SND1: variants seen among roughly 807,000 people sequenced by gnomAD.
The protein encoded by SND1 is staphylococcal nuclease and tudor domain containing 1, also known as staphylococcal nuclease domain-containing protein 1.
A neutral mutation model predicts 121.7 loss-of-function variants in SND1; 38 were observed. The ratio of observed to expected loss-of-function variants is 0.31; its 90% CI spans 0.24 to 0.41. The LOEUF is 0.41. Ranked by LOEUF, SND1 falls within the 10% of genes least tolerant of loss-of-function variation. The pLI is 1.00. For missense variants in SND1, 868 were observed against 1,184.6 expected (o/e 0.73, Z 3.92); for synonymous variants, 401 against 447.4 (o/e 0.90, Z 1.31).
intron 11 of SND1, among the ~76,000 whole-genome samples, chr7:127,821,652 A>C (rs1798551581): frequency 6.6e-6 from 1 of 152,146 alleles, no homozygotes; most frequent in Non-Finnish European, 1.5e-5. Context: ...ATTTTTAAAA[A>C]ATTTTTGTTT....
At chr7:127,995,921 T>C (rs116987521) in intron 16 of SND1, among the ~76,000 whole-genome samples, 114 of 152,338 alleles carry the variant, frequency 7.5e-4, no homozygotes, top group Non-Finnish European at 1.4e-3. Flanking sequence ...GATGACCCCT[T>C]TGTCCTTTCT....
chr7:127,877,804 G>T (rs1231043457), intron 12 of SND1, among the ~76,000 whole-genome samples: 1 of 152,006 alleles, frequency 6.6e-6, no homozygotes, highest in Non-Finnish European at 1.5e-5. Flanking sequence ...GGGAGCTATT[G>T]GTACTCAGTG....
At position 128,092,125 on chromosome 7, in the gene SND1, T is replaced by G; in HGVS notation, c.*67T>G. 1 of 1,516,104 alleles carries G rather than the reference T, an allele frequency of 6.6e-7. No homozygotes were observed. 93.9% of individuals were successfully genotyped at this position (1,516,104 alleles called of 1,614,324 possible). On this transcript the variant is annotated 3_prime_UTR_variant, in exon 24 of 24. Coordinates refer to ENST00000354725, the MANE Select transcript of SND1 (RefSeq NM_014390.4). This position sits in a 1 kb window ranked among gnomAD's most constrained non-coding sequence, Gnocchi z 4.9. ...CCCTCTTCCTCTGCCGGGAGGGTGT[T>G]TTCAACTCCAAACCCCAGAGAGGGG... is the stretch of plus-strand genomic sequence containing the variant.
At chr7:127,909,946 TAGAC>T (rs1339267270) in intron 14 of SND1, among the ~76,000 whole-genome samples, 2 of 152,202 alleles carry the variant, frequency 1.3e-5, no homozygotes, top group Non-Finnish European at 2.9e-5. Flanking sequence ...AATAGATTGG[TAGAC>T]AGGGTTGGAT....
At chr7:128,070,320 G>A (rs182592785) in intron 16 of SND1, among the ~76,000 whole-genome samples, 34 of 152,228 alleles carry the variant, frequency 2.2e-4, no homozygotes, top group African/African-American at 7.5e-4. Context: ...TCTGTCCCTC[G>A]CCCATGCTGC....
At chr7:128,054,077 T>A (rs1467102459) in intron 16 of SND1, among the ~76,000 whole-genome samples, 1 of 152,200 alleles carries the variant, frequency 6.6e-6, no homozygotes, top group Non-Finnish European at 1.5e-5. Context: ...CAGTAAGTCA[T>A]CGGCAGTACC....
chr7:127,675,556 T>C (rs1386914421), intron 1 of SND1, among the ~76,000 whole-genome samples: 2 of 152,216 alleles, frequency 1.3e-5, no homozygotes, highest in African/African-American at 4.8e-5. Flanking sequence ...AATTCAGAAA[T>C]GTTCCTTTCT....
At chr7:127,656,697 C>T (rs959506170) in intron 1 of SND1, among the ~76,000 whole-genome samples, 2 of 152,160 alleles carry the variant, frequency 1.3e-5, no homozygotes, top group Admixed American at 1.3e-4. Flanking sequence ...TTCGCTCATG[C>T]AGGAATGTTG....
chr7:127,921,881 A>C (rs953365727), intron 14 of SND1, among the ~76,000 whole-genome samples: 3 of 152,126 alleles, frequency 2.0e-5, no homozygotes, highest in Admixed American at 2.0e-4. Flanking sequence ...GTAGTATTCC[A>C]TTGTGTGGTG....
At chr7:127,699,053 A>G (rs1796056891) in intron 4 of SND1, 100 bp downstream of exon 4, 1 of 889,106 alleles carries the variant, frequency 1.1e-6, no homozygotes, top group African/African-American at 1.7e-5. Context: ...AGGGGCTTTC[A>G]CACCTTCGCG....
intron 15 of SND1, among the ~76,000 whole-genome samples, chr7:127,958,086 C>CA (rs1801643357): frequency 6.6e-6 from 1 of 152,186 alleles, no homozygotes; most frequent in South Asian, 2.1e-4. Context: ...GGCTAGGGGG[C>CA]ATGAGGATAC....
intron 9 of SND1, among the ~76,000 whole-genome samples, chr7:127,719,725 C>A (rs369186129): frequency 1.3e-5 from 2 of 152,164 alleles, no homozygotes; most frequent in African/African-American, 4.8e-5. Flanking sequence ...TTAGAACTTT[C>A]ATTACTTTTC....
At chr7:127,707,711 AT>A in intron 9 of SND1, 64 bp downstream of exon 9, 1 of 1,381,096 alleles carries the variant, frequency 7.2e-7, no homozygotes, top group Non-Finnish European at 1.0e-6. Context: ...TAATACAAGA[AT>A]TTGAACAATT....
At position 128,091,710 on chromosome 7, in the gene SND1, T is replaced by C; in HGVS notation, c.2623-127T>C. The C allele has an allele frequency of 3.2e-6, 3 of 934,454 alleles. No homozygotes were observed. The South Asian group carries it at 3.9e-5, about 12-fold the overall frequency. The allele number at this position is 934,454 out of a possible 1,614,324, so 57.9% of individuals were successfully genotyped here. On this transcript the variant is annotated intron_variant, in intron 22 of 23. Coordinates refer to ENST00000354725, the MANE Select transcript of SND1 (RefSeq NM_014390.4). The stretch of plus-strand genomic sequence containing the variant: ...GTTTTCCGTTTTACTCTGAGGGAAC[T>C]AAGGCTCCATTGGACAGGCTTGAGC...
intron 1 of SND1, among the ~76,000 whole-genome samples, chr7:127,658,887 G>A (rs1292394147): frequency 6.6e-6 from 1 of 152,210 alleles, no homozygotes; most frequent in African/African-American, 2.4e-5. Flanking sequence ...CAGGTAACAA[G>A]GTATCTAAGG....
chr7:127,803,230 CTT>C (rs1421224611), intron 10 of SND1, among the ~76,000 whole-genome samples: 1 of 152,186 alleles, frequency 6.6e-6, no homozygotes, highest in Non-Finnish European at 1.5e-5. Flanking sequence ...TCCCATACCT[CTT>C]TGAGTTTTTG....
Position 127,652,350 on chromosome 7 carries a change from C to T in SND1, c.-24C>T, listed in dbSNP as rs1795135723. The T allele has an allele frequency of 6.3e-7, 1 of 1,580,742 alleles. No individual in the cohort carries two copies. On this transcript the variant is annotated 5_prime_UTR_variant, in exon 1 of 24. Transcript: ENST00000354725. ...ACCTCCAGTCCGGCCAGCCGCTCCA[C>T]TCGTTGCCTTTGCATCTCCACACAT...
At chr7:128,009,701 T>C (rs1294595032) in intron 16 of SND1, among the ~76,000 whole-genome samples, 1 of 152,208 alleles carries the variant, frequency 6.6e-6, no homozygotes, top group African/African-American at 2.4e-5. Flanking sequence ...TCTGGCAATG[T>C]TAGGTTTGCA....
chr7:127,789,004 C>T (rs1797863366), intron 10 of SND1, among the ~76,000 whole-genome samples: 2 of 152,248 alleles, frequency 1.3e-5, no homozygotes, highest in South Asian at 4.1e-4. Context: ...TAAGCTGTGC[C>T]TTCTAATTTT....
Sources: allele counts gnomAD v4.1 joint callset (sites outside exome capture counted in the v4.1 genomes callset), GRCh38; gene constraint gnomAD v4.1.1; non-coding constraint Gnocchi (gnomAD v3.1); transcripts MANE v1.5; gene names NCBI Gene and HGNC (gene_info 2026-07-23, HGNC 2026-07-21).